RSU1: variants seen among roughly 807,000 people sequenced by gnomAD.
The protein encoded by RSU1 is Ras suppressor protein 1.
RSU1 carries 26 observed loss-of-function variants against 31.1 expected under a neutral mutation model. The observed-to-expected ratio is 0.84, with a 90% CI of 0.61 to 1.16. The LOEUF (loss-of-function observed/expected upper bound fraction) is 1.16. Among genes scored for constraint, RSU1 ranks in the 50% most tolerant of loss-of-function variants. The probability of loss-of-function intolerance (pLI) is 0.00; values close to 1 mark genes in which losing one functional copy is unlikely to be tolerated. For synonymous variants in RSU1, 164 were observed against 136.3 expected, an observed-to-expected ratio of 1.20 and a Z score of -1.41; for missense variants, 320 against 339.1, an observed-to-expected ratio of 0.94 and a Z score of 0.44.
intron 7 of RSU1, among the ~76,000 whole-genome samples, chr10:16,733,199 T>A (rs957237447): frequency 2.6e-5 from 4 of 151,754 alleles, no homozygotes; most frequent in Non-Finnish European, 5.9e-5. Flanking sequence ...CTTATTAAAA[T>A]AGAAAACCCG....
intron 8 of RSU1, among the ~76,000 whole-genome samples, chr10:16,660,322 T>C (rs754416726): frequency 6.6e-6 from 1 of 152,140 alleles, no homozygotes; most frequent in East Asian, 1.9e-4. Context: ...GGCTTGAACA[T>C]AAAGTTCACG....
intron 8 of RSU1, among the ~76,000 whole-genome samples, chr10:16,665,616 T>C (rs1478689302): frequency 6.6e-6 from 1 of 152,244 alleles, no homozygotes; most frequent in Non-Finnish European, 1.5e-5. Flanking sequence ...ATATTAATGA[T>C]ATATAATAAC....
At chr10:16,599,004 G>A (rs942540336) in intron 8 of RSU1, among the ~76,000 whole-genome samples, 2 of 152,170 alleles carry the variant, frequency 1.3e-5, no homozygotes, top group East Asian at 3.9e-4. Flanking sequence ...TTGTTTCTAC[G>A]AGAGGAAGTG....
intron 8 of RSU1, among the ~76,000 whole-genome samples, chr10:16,686,659 A>T (rs150974685): frequency 1.3e-4 from 20 of 152,294 alleles, no homozygotes; most frequent in Middle Eastern, 3.4e-3. Context: ...AGGCATGCCA[A>T]ATGCAGGCTT....
intron 7 of RSU1, among the ~76,000 whole-genome samples, chr10:16,719,783 C>T (rs2131588606): frequency 6.6e-6 from 1 of 152,292 alleles, no homozygotes; most frequent in Middle Eastern, 3.4e-3. Flanking sequence ...ATCACCTGGC[C>T]ACATCCCACC....
intron 8 of RSU1, among the ~76,000 whole-genome samples, chr10:16,645,923 T>C (rs901380861): frequency 4.6e-5 from 1 of 21,634 alleles, no homozygotes; most frequent in African/African-American, 1.6e-4. Flanking sequence ...TATATATGTG[T>C]ATATACACAT....
intron 8 of RSU1, among the ~76,000 whole-genome samples, chr10:16,630,157 C>T (rs557918438): frequency 1.7e-4 from 26 of 152,184 alleles, no homozygotes; most frequent in African/African-American, 3.1e-4. Context: ...CCTCCTGCAT[C>T]GGCCTCTCAA....
intron 8 of RSU1, among the ~76,000 whole-genome samples, chr10:16,593,971 C>T (rs2131448733): frequency 6.6e-6 from 1 of 152,306 alleles, no homozygotes; most frequent in East Asian, 1.9e-4. Context: ...GGGCTGGCCA[C>T]CACACATCAA....
chr10:16,726,366 C>G (rs1421493690), intron 7 of RSU1, among the ~76,000 whole-genome samples: 1 of 150,378 alleles, frequency 6.6e-6, no homozygotes, highest in African/African-American at 2.5e-5. Flanking sequence ...CTCCCAGGTT[C>G]AAGTGATTCT....
At chr10:16,736,752 A>G (rs1270501652) in intron 7 of RSU1, among the ~76,000 whole-genome samples, 2 of 152,274 alleles carry the variant, frequency 1.3e-5, no homozygotes, top group East Asian at 3.9e-4. Context: ...TTACCAGATA[A>G]AAATGTTAAA....
chr10:16,738,749 T>C (rs1250620551), intron 7 of RSU1, among the ~76,000 whole-genome samples: 1 of 152,208 alleles, frequency 6.6e-6, no homozygotes, highest in Non-Finnish European at 1.5e-5. Context: ...CTTGCAGGTT[T>C]GTTACGTACA....
intron 7 of RSU1, chr10:16,721,726 T>C (rs1289795560): frequency 6.6e-6 from 1 of 152,208 alleles, no homozygotes; most frequent in East Asian, 1.9e-4. Context: ...ATAACTGCAA[T>C]GGAAAATCGA....
At chr10:16,663,641 C>G (rs981356195) in intron 8 of RSU1, among the ~76,000 whole-genome samples, 15 of 152,288 alleles carry the variant, frequency 9.8e-5, no homozygotes, top group African/African-American at 3.4e-4. Flanking sequence ...CCGCGCAGTA[C>G]AACTACATGT....
chr10:16,801,630 C>T (rs1450330481), intron 2 of RSU1, among the ~76,000 whole-genome samples: 1 of 151,986 alleles, frequency 6.6e-6, no homozygotes, highest in African/African-American at 2.4e-5. Context: ...AGACATAGAC[C>T]ACATTCTGGG....
At chr10:16,791,643 A>G (rs1027332635) in intron 2 of RSU1, among the ~76,000 whole-genome samples, 1 of 152,176 alleles carries the variant, frequency 6.6e-6, no homozygotes, top group East Asian at 1.9e-4. Flanking sequence ...AACAAAAAAA[A>G]AAAAAAAAGA....
chr10:16,766,702 T>TAA (rs1837321455), intron 3 of RSU1, among the ~76,000 whole-genome samples: 2 of 147,814 alleles, frequency 1.4e-5, no homozygotes, highest in Admixed American at 1.4e-4. Context: ...GTGACAAGAG[T>TAA]ACAACTCTAT....
chr10:16,666,217 TTTATA>T (rs1834985133), intron 8 of RSU1, among the ~76,000 whole-genome samples: 2 of 147,112 alleles, frequency 1.4e-5, no homozygotes, highest in Non-Finnish European at 1.5e-5. Flanking sequence ...TACAAGTACT[TTTATA>T]CCTAGAGATA....
chr10:16,684,112 G>C (rs1433422832), intron 8 of RSU1, among the ~76,000 whole-genome samples: 1 of 152,224 alleles, frequency 6.6e-6, no homozygotes, highest in African/African-American at 2.4e-5. Context: ...AGGATTGGGA[G>C]GGTGGTGAAA....
At chr10:16,670,900 G>T (rs950065873) in intron 8 of RSU1, among the ~76,000 whole-genome samples, 1 of 152,088 alleles carries the variant, frequency 6.6e-6, no homozygotes, top group African/African-American at 2.4e-5. Flanking sequence ...CAGTAGCTGG[G>T]ATTACAGGGG....
Sources: allele counts gnomAD v4.1 joint callset (sites outside exome capture counted in the v4.1 genomes callset), GRCh38; gene constraint gnomAD v4.1.1; transcripts MANE v1.5; gene names NCBI Gene and HGNC (gene_info 2026-07-23, HGNC 2026-07-21).